CCNJL: variants seen among roughly 807,000 people sequenced by gnomAD.
CCNJL encodes cyclin J like.
In CCNJL, 33 loss-of-function variants were observed where a neutral mutation model predicts 33.4. The observed-to-expected ratio is 0.99, with a 90% CI of 0.75 to 1.32. CCNJL has a LOEUF of 1.32. CCNJL is among the 40% of genes most tolerant of loss of function. CCNJL has a pLI of 0.00. For missense variants in CCNJL, 512 were observed against 499.7 expected, an observed-to-expected ratio of 1.02 and a Z score of -0.23; for synonymous variants, 227 against 220.9, an observed-to-expected ratio of 1.03 and a Z score of -0.24.
chr5:160,313,117 C>T (rs982854874), upstream of CCNJL, among the ~76,000 whole-genome samples: 1 of 152,196 alleles, frequency 6.6e-6, no homozygotes. Context: ...TGTGCTCCTG[C>T]AGAATATGAA....
At chr5:160,338,479 C>T (rs4921130) in intron 1 of CCNJL, among the ~76,000 whole-genome samples, 72,286 of 151,370 alleles carry the variant, frequency 0.48, 17,533 homozygotes, top group Middle Eastern at 0.54. Flanking sequence ...GGCTGTGTCC[C>T]CTTGGTTTGT....
intron 4 of CCNJL, chr5:160,258,154 G>T: frequency 2.5e-6 from 1 of 407,060 alleles, no homozygotes. Context: ...TCCAATCATT[G>T]ATCTGGATAC....
intron 2 of CCNJL, among the ~76,000 whole-genome samples, chr5:160,304,696 G>A (rs568945822): frequency 6.6e-6 from 1 of 152,198 alleles, no homozygotes; most frequent in South Asian, 2.1e-4. Flanking sequence ...GATTTGGGGG[G>A]AACTTTCCCT....
At chr5:160,254,828 C>A (rs539609647) in intron 5 of CCNJL, 1 of 153,374 alleles carries the variant, frequency 6.5e-6, no homozygotes, top group Admixed American at 6.5e-5. Context: ...TCCCAGGGAC[C>A]CTTGCAGAGG....
At chr5:160,267,202 A>AGG (rs1761632397) in intron 3 of CCNJL, among the ~76,000 whole-genome samples, 1 of 152,146 alleles carries the variant, frequency 6.6e-6, no homozygotes, top group East Asian at 1.9e-4. Context: ...TGGACCACAC[A>AGG]TCTATTTACT....
At chr5:160,320,022 C>T (rs1306888559) in intron 1 of CCNJL, among the ~76,000 whole-genome samples, 3 of 152,184 alleles carry the variant, frequency 2.0e-5, no homozygotes, top group Non-Finnish European at 2.9e-5. Context: ...AGACTTCAGA[C>T]TGGTCAGGAG....
chr5:160,283,707 A>G (rs1762318240), intron 2 of CCNJL, among the ~76,000 whole-genome samples: 1 of 152,136 alleles, frequency 6.6e-6, no homozygotes, highest in African/African-American at 2.4e-5. Flanking sequence ...ATACAATAGT[A>G]TGTCTTATTC....
At chr5:160,318,072 A>C (rs374935304) in intron 1 of CCNJL, among the ~76,000 whole-genome samples, 4 of 150,694 alleles carry the variant, frequency 2.7e-5, no homozygotes, top group Non-Finnish European at 5.9e-5. Context: ...GCTGGAGTGC[A>C]GTAGCACAAT....
intron 1 of CCNJL, among the ~76,000 whole-genome samples, chr5:160,334,549 T>C (rs1264125684): frequency 2.7e-5 from 4 of 150,882 alleles, no homozygotes; most frequent in African/African-American, 9.7e-5. Flanking sequence ...ATCATCCTCA[T>C]TTCAAGATGA....
At position 160,253,460 on chromosome 5, in the gene CCNJL, G is replaced by A; in HGVS notation, c.1082C>T (p.Pro361Leu). 2 of 1,613,528 alleles carry A rather than the reference G, an allele frequency of 1.2e-6. No individual in the cohort carries two copies. The highest frequency in any genetic ancestry group is 1.1e-5 in the South Asian group (1 of 90,988). The stretch of plus-strand genomic sequence containing the variant: ...ATAGGTGGTGGCGAGGCAGTGCCTG[G>A]GCTCAGCTGCAATGGCCATATGCAT... ...LSMHMAIAAE[P>L]RHCLATTYGS... Residue 361 changes from proline to leucine, a missense_variant, in exon 6 of 6, where the codon CCC becomes CTC. Physicochemically the swap from Pro to Leu is moderately conservative, Grantham distance 98. Transcript: ENST00000257536.
At chr5:160,256,898 A>G (rs1046347015) in intron 4 of CCNJL, among the ~76,000 whole-genome samples, 2 of 151,962 alleles carry the variant, frequency 1.3e-5, no homozygotes, top group African/African-American at 4.8e-5. Flanking sequence ...AGCCTGGGCG[A>G]CAGGGCAAGA....
chr5:160,282,103 C>A (rs975564298), intron 2 of CCNJL, among the ~76,000 whole-genome samples: 1 of 152,162 alleles, frequency 6.6e-6, no homozygotes, highest in Non-Finnish European at 1.5e-5. Flanking sequence ...GGGATGAGAT[C>A]GAAACAAATT....
chr5:160,253,501 G>A lies in CCNJL; in HGVS notation c.1041C>T (p.Val347=). The part of the protein sequence containing the change: ...LQPLDMCPVP[V]PASLSMHMAI... Reference sequence around the variant, plus strand: ...CCATATGCATGCTAAGGGATGCAGGGACGGGCACGGGACACATATCCAAGG... The same window carrying A: ...CCATATGCATGCTAAGGGATGCAGGAACGGGCACGGGACACATATCCAAGG... The change falls in exon 6 of 6, where the codon GTC becomes GTT. Residue 347 remains valine (V), a synonymous_variant. Transcript: ENST00000257536. The A allele has an allele frequency of 1.9e-6, 3 of 1,614,208 alleles. No individual in the cohort carries two copies. The highest frequency in any genetic ancestry group is 2.2e-5 in the East Asian group (1 of 44,884).
chr5:160,324,627 G>GTCTGTCTATCTATCTA (rs140137170), intron 1 of CCNJL, among the ~76,000 whole-genome samples: 9,006 of 151,662 alleles, frequency 0.059, 319 homozygotes, highest in Middle Eastern at 0.092. Context: ...AAAACTGTCT[G>GTCTGTCTATCTATCTA]TCTATCTATC....
chr5:160,313,476 T>G (rs1763336328), upstream of CCNJL, among the ~76,000 whole-genome samples: 1 of 152,158 alleles, frequency 6.6e-6, no homozygotes, highest in South Asian at 2.1e-4. Flanking sequence ...AAGTGAACAC[T>G]CAGTAAACAA....
chr5:160,301,228 A>G (rs942490348), intron 2 of CCNJL, among the ~76,000 whole-genome samples: 2 of 152,238 alleles, frequency 1.3e-5, no homozygotes, highest in African/African-American at 4.8e-5. Flanking sequence ...CTCCTGATAG[A>G]CACAACGACA....
upstream of CCNJL, among the ~76,000 whole-genome samples, chr5:160,313,307 TC>T (rs1763334233): frequency 6.6e-6 from 1 of 152,222 alleles, no homozygotes; most frequent in African/African-American, 2.4e-5. Context: ...TTTTGGAGAT[TC>T]ACAAATTTGG....
At chr5:160,327,196 G>A (rs1763548691) in intron 1 of CCNJL, among the ~76,000 whole-genome samples, 1 of 152,080 alleles carries the variant, frequency 6.6e-6, no homozygotes, top group South Asian at 2.1e-4. Flanking sequence ...ATGTGAGCTG[G>A]GTGAGTCTTT....
chr5:160,263,941 C>CT (rs1761457127), intron 3 of CCNJL, among the ~76,000 whole-genome samples: 1 of 148,934 alleles, frequency 6.7e-6, no homozygotes. Flanking sequence ...CCCTATCAAC[C>CT]TCTTTTTTTT....
Sources: allele counts gnomAD v4.1 joint callset (sites outside exome capture counted in the v4.1 genomes callset), GRCh38; gene constraint gnomAD v4.1.1; transcripts MANE v1.5; gene names NCBI Gene and HGNC (gene_info 2026-07-23, HGNC 2026-07-21).